ZNF100: variants seen among roughly 807,000 people sequenced by gnomAD.
The protein encoded by ZNF100 is zinc finger protein 100, also known as zinc finger protein 100 (Y1).
A neutral mutation model predicts 15.8 loss-of-function variants in ZNF100; 12 were observed. The ratio of observed to expected loss-of-function variants is 0.76; its 90% confidence interval spans 0.49 to 1.23. The LOEUF is 1.23. Ranked by LOEUF, ZNF100 falls within the 50% of genes most tolerant of loss-of-function variation. The probability of loss-of-function intolerance (pLI) is 0.00; values close to 1 mark genes in which losing one functional copy is unlikely to be tolerated. For missense variants in ZNF100, 670 were observed against 635.6 expected, an observed-to-expected ratio of 1.05 and a Z score of -0.58; for synonymous variants, 226 against 214.8, an observed-to-expected ratio of 1.05 and a Z score of -0.45.
chr19:21,764,523 G>A (rs8107921), intron 2 of ZNF100, among the ~76,000 whole-genome samples: 2 of 151,564 alleles, frequency 1.3e-5, no homozygotes, highest in East Asian at 3.9e-4. Context: ...GCCTCTAATC[G>A]CAGCTACTCA....
chr19:21,729,250 A>G (rs1337392039), intron 4 of ZNF100, among the ~76,000 whole-genome samples: 2 of 152,114 alleles, frequency 1.3e-5, no homozygotes, highest in Non-Finnish European at 2.9e-5. Context: ...GCATAATACT[A>G]TCAGCAAATC....
intron 2 of ZNF100, among the ~76,000 whole-genome samples, chr19:21,761,626 G>C (rs1000948282): frequency 6.6e-6 from 1 of 151,794 alleles, no homozygotes; most frequent in Non-Finnish European, 1.5e-5. Context: ...AATTATTCTT[G>C]CTACACTTTA....
chr19:21,765,954 T>C (rs965802692), intron 1 of ZNF100, among the ~76,000 whole-genome samples, 168 bp from the exon 2 acceptor site: 3 of 152,020 alleles, frequency 2.0e-5, no homozygotes, highest in East Asian at 1.9e-4. Flanking sequence ...AATCAAAACC[T>C]TGACCCAAAA....
At chr19:21,744,396 G>A (rs186825879) in intron 3 of ZNF100, among the ~76,000 whole-genome samples, 24 of 152,106 alleles carry the variant, frequency 1.6e-4, no homozygotes, top group African/African-American at 4.6e-4. Flanking sequence ...TTTTTGAGAC[G>A]GAGTCTCGCT....
intron 4 of ZNF100, among the ~76,000 whole-genome samples, chr19:21,731,300 TCC>T (rs1302576661): frequency 1.2e-4 from 18 of 151,068 alleles, no homozygotes; most frequent in South Asian, 4.2e-4. Flanking sequence ...CCTTTTTCTT[TCC>T]TTTTTTTTTT....
At chr19:21,737,085 C>CA (rs1216531027) in intron 4 of ZNF100, among the ~76,000 whole-genome samples, 1 of 150,876 alleles carries the variant, frequency 6.6e-6, no homozygotes, top group African/African-American at 2.4e-5. Flanking sequence ...AAAAACCCTT[C>CA]AAAAAAATCA....
chr19:21,730,836 T>C (rs1385398676), intron 4 of ZNF100, among the ~76,000 whole-genome samples: 1 of 150,798 alleles, frequency 6.6e-6, no homozygotes, highest in Admixed American at 6.6e-5. Context: ...AAAACAATAA[T>C]AGAAAAACAA....
intron 2 of ZNF100, among the ~76,000 whole-genome samples, chr19:21,747,190 G>A (rs895413453): frequency 1.3e-5 from 2 of 152,112 alleles, no homozygotes; most frequent in Non-Finnish European, 2.9e-5. Context: ...AACAGGTATC[G>A]TAACCACCCT....
intron 1 of ZNF100, among the ~76,000 whole-genome samples, chr19:21,766,648 A>AGT (rs2036567917): frequency 6.6e-6 from 1 of 152,174 alleles, no homozygotes; most frequent in African/African-American, 2.4e-5. Flanking sequence ...CCCATAGACA[A>AGT]CAAACTACAA....
At chr19:21,743,878 C>CAAAAA in intron 4 of ZNF100, 139 bp downstream of exon 4, 1 of 724,152 alleles carries the variant, frequency 1.4e-6, no homozygotes, top group Non-Finnish European at 1.9e-6. Context: ...AAAAAAAGCC[C>CAAAAA]AAAAAACAAA....
intron 2 of ZNF100, among the ~76,000 whole-genome samples, chr19:21,755,633 G>A (rs147944820): frequency 1.3e-3 from 197 of 152,284 alleles, no homozygotes; most frequent in African/African-American, 4.0e-3. Context: ...ACATGCACAT[G>A]TATGTTTACT....
At position 21,726,779 on chromosome 19, in the gene ZNF100, T is replaced by G. The variant is rs2035795824; in HGVS notation, c.1533A>C (p.Lys511Asn). 46 of 1,613,650 alleles carry G rather than the reference T, an allele frequency of 2.9e-5. No homozygotes were observed. The highest frequency in any genetic ancestry group is 3.8e-5 in the Non-Finnish European group (45 of 1,179,764). The change falls in exon 5 of 5, where the codon AAA (lysine) becomes AAC (asparagine). Residue 511 changes from lysine to asparagine, a missense_variant. Physicochemically the swap from Lys to Asn is moderately conservative, Grantham distance 94 (BLOSUM62 0). Coordinates refer to ENST00000358296, the MANE Select transcript of ZNF100 (RefSeq NM_173531.4). ...TKHKITHTGE[K>N]SYKWEECGKD... ...TACCACATTCTTCCCATTTGTAAGATTTCTCTCCAGTATGAGTTATCTTAT... is the reference window on the plus strand; with the variant it reads ...TACCACATTCTTCCCATTTGTAAGAGTTCTCTCCAGTATGAGTTATCTTAT...
chr19:21,745,333 CAT>C lies in ZNF100; in HGVS notation c.97-268_97-267del, dbSNP rs1207211636. On this transcript the variant is annotated intron_variant, in intron 2 of 4. Transcript: ENST00000358296. Reference sequence around the variant, plus strand: ...ATAAAATTAAGAGCATAAACACAAACATATACATTTTTGAGTGTTATTATTTA... The same window carrying C: ...ATAAAATTAAGAGCATAAACACAAACATACATTTTTGAGTGTTATTATTTA... Among the ~76,000 whole-genome samples the C allele has an allele frequency of 2.0e-5, 3 of 152,016 alleles. No homozygotes were observed. The East Asian group carries it at 5.8e-4, about 29-fold the overall frequency.
rs759802318 is a variant in ZNF100 at position 21,726,715 on chromosome 19, TA to T, written c.1596del (p.Asn532LysfsTer91). 4 of 1,608,088 alleles carry T rather than the reference TA, an allele frequency of 2.5e-6. No homozygotes were observed. Among genetic ancestry groups the T allele is most frequent in the Non-Finnish European group, 3.4e-6 (4 of 1,177,912 alleles). On this transcript the variant is annotated frameshift_variant, in exon 5 of 5. Coordinates refer to ENST00000358296, the MANE Select transcript of ZNF100 (RefSeq NM_173531.4). LOFTEE classifies it high-confidence loss of function. ...FNQSLSLIKQ[N>X]NSYWRETLQM ...TGTAGGGTTTCTCTCCAGTATGAGTTATTTTGTTTAATAAGGCTTAGGGACT... is the reference window on the plus strand; with the variant it reads ...TGTAGGGTTTCTCTCCAGTATGAGTTTTTTGTTTAATAAGGCTTAGGGACT...
intron 2 of ZNF100, among the ~76,000 whole-genome samples, chr19:21,764,341 A>G (rs1356146551): frequency 6.6e-6 from 1 of 152,148 alleles, no homozygotes; most frequent in Non-Finnish European, 1.5e-5. Flanking sequence ...TTATACCTCA[A>G]TAAGAAAAGC....
chr19:21,733,406 C>T (rs2035953787), intron 4 of ZNF100, among the ~76,000 whole-genome samples: 1 of 151,554 alleles, frequency 6.6e-6, no homozygotes, highest in Non-Finnish European at 1.5e-5. Flanking sequence ...TTTATGTAAT[C>T]TGTTTTTCAA....
intron 1 of ZNF100, among the ~76,000 whole-genome samples, chr19:21,766,345 C>T (rs949901388): frequency 7.9e-5 from 12 of 151,722 alleles, no homozygotes; most frequent in African/African-American, 2.4e-4. Context: ...AAATCAGTTC[C>T]CCGTGGAGTG....
chr19:21,755,042 C>T (rs529718808), intron 2 of ZNF100, among the ~76,000 whole-genome samples: 7 of 152,184 alleles, frequency 4.6e-5, no homozygotes, highest in South Asian at 2.1e-4. Context: ...TACACTCAGC[C>T]GAGCTCACGC....
In ZNF100 at chr19:21,751,600, G is replaced by A; in HGVS notation, c.97-6533C>T. ...AGGTTTGGGATGATCAGGCTGTATG[G>A]AATGTGGACTACTGCCAGATCCTCA... On this transcript the variant is annotated intron_variant, in intron 2 of 4. Coordinates refer to ENST00000358296, the MANE Select transcript of ZNF100 (RefSeq NM_173531.4). The A allele has an allele frequency of 4.5e-6, 7 of 1,539,602 alleles. No individual in the cohort carries two copies. The South Asian group carries it at 7.8e-5, about 17-fold the overall frequency.
Sources: allele counts gnomAD v4.1 joint callset (sites outside exome capture counted in the v4.1 genomes callset), GRCh38; gene constraint gnomAD v4.1.1; transcripts MANE v1.5; gene names NCBI Gene and HGNC (gene_info 2026-07-23, HGNC 2026-07-21).